DSCAML1: variants seen among roughly 807,000 people sequenced by gnomAD.
DSCAML1 encodes the protein cell adhesion molecule DSCAML1.
A neutral mutation model predicts 200.5 loss-of-function variants in DSCAML1; 38 were observed. That is an observed-to-expected ratio of 0.19 (90% CI 0.15 to 0.25). The LOEUF is 0.25. Among genes scored for constraint, DSCAML1 ranks in the 10% least tolerant of loss-of-function variants. The pLI is 1.00. For missense variants in DSCAML1, 2,223 were observed against 2,858.8 expected, an observed-to-expected ratio of 0.78 and a Z score of 5.07; for synonymous variants, 1,215 against 1,165.0, an observed-to-expected ratio of 1.04 and a Z score of -0.87.
intron 1 of DSCAML1, among the ~76,000 whole-genome samples, chr11:117,786,219 G>C (rs904901329): frequency 2.0e-5 from 3 of 152,186 alleles, no homozygotes; most frequent in African/African-American, 4.8e-5. Flanking sequence ...CTGGTCAAAG[G>C]GGGAAATGGA....
At chr11:117,525,339 C>T (rs567699633) in intron 4 of DSCAML1, among the ~76,000 whole-genome samples, 5 of 152,048 alleles carry the variant, frequency 3.3e-5, no homozygotes, top group South Asian at 2.1e-4. Context: ...TGATGGAGTT[C>T]GGGACTAGAG....
intron 1 of DSCAML1, among the ~76,000 whole-genome samples, chr11:117,815,070 C>T (rs2055793331): frequency 6.6e-6 from 1 of 152,218 alleles, no homozygotes; most frequent in Non-Finnish European, 1.5e-5. Flanking sequence ...TTTGCTTTGT[C>T]AAGTGTGTCT....
At chr11:117,788,229 A>G (rs964876300) in intron 1 of DSCAML1, among the ~76,000 whole-genome samples, 1 of 151,966 alleles carries the variant, frequency 6.6e-6, no homozygotes, top group Non-Finnish European at 1.5e-5. Flanking sequence ...TGTCCACCCA[A>G]TCTGGCACAC....
chr11:117,567,089 T>C (rs967453062), intron 3 of DSCAML1, among the ~76,000 whole-genome samples: 6 of 152,230 alleles, frequency 3.9e-5, no homozygotes, highest in African/African-American at 1.4e-4. Context: ...TTTGGGTATA[T>C]ACCCAGTAAT....
intron 3 of DSCAML1, among the ~76,000 whole-genome samples, chr11:117,687,457 G>C (rs909865622): frequency 3.4e-5 from 4 of 116,700 alleles, no homozygotes; most frequent in African/African-American, 1.4e-4. Flanking sequence ...TTAGAGATGG[G>C]GTCTCGCTAT....
At chr11:117,673,579 T>C (rs752446999) in intron 3 of DSCAML1, among the ~76,000 whole-genome samples, 1 of 152,204 alleles carries the variant, frequency 6.6e-6, no homozygotes, top group Non-Finnish European at 1.5e-5. Context: ...ATCAGAGAGA[T>C]GAAGGTTTAC....
chr11:117,617,632 A>C (rs2051835268), intron 3 of DSCAML1, among the ~76,000 whole-genome samples: 1 of 151,910 alleles, frequency 6.6e-6, no homozygotes, highest in South Asian at 2.1e-4. Context: ...ATTTAGGAAA[A>C]AAACAACAAC....
intron 4 of DSCAML1, among the ~76,000 whole-genome samples, chr11:117,531,495 G>A (rs2050075726): frequency 6.6e-6 from 1 of 152,072 alleles, no homozygotes; most frequent in Non-Finnish European, 1.5e-5. Context: ...CCTCTATTCT[G>A]TTTAGAAATA....
chr11:117,757,884 G>A (rs2054724059), intron 3 of DSCAML1, among the ~76,000 whole-genome samples: 1 of 152,172 alleles, frequency 6.6e-6, no homozygotes. Flanking sequence ...CAGCTACTCA[G>A]GAGGCTGAGT....
chr11:117,579,222 T>G (rs1343842314), intron 3 of DSCAML1, among the ~76,000 whole-genome samples: 2 of 152,110 alleles, frequency 1.3e-5, no homozygotes, highest in African/African-American at 4.8e-5. Context: ...ACAGCTCAAG[T>G]CCTCCTTTGA....
At chr11:117,693,072 C>T (rs147429650) in intron 3 of DSCAML1, among the ~76,000 whole-genome samples, 1 of 152,280 alleles carries the variant, frequency 6.6e-6, no homozygotes, top group East Asian at 1.9e-4. Context: ...GCACAGAGTA[C>T]GGGAAGCATT....
intron 3 of DSCAML1, among the ~76,000 whole-genome samples, chr11:117,537,247 G>A (rs2050188071): frequency 1.3e-5 from 2 of 152,238 alleles, no homozygotes; most frequent in South Asian, 2.1e-4. Flanking sequence ...AATCTATCAC[G>A]TCTTTCTGGA....
intron 3 of DSCAML1, among the ~76,000 whole-genome samples, chr11:117,566,799 A>G (rs1020299514): frequency 5.4e-5 from 8 of 149,380 alleles, no homozygotes; most frequent in Admixed American, 2.0e-4. Context: ...TCATTGTTCA[A>G]TTCCCACCTA....
At chr11:117,795,923 C>T (rs532458426) in intron 1 of DSCAML1, among the ~76,000 whole-genome samples, 332 of 152,314 alleles carry the variant, frequency 2.2e-3, no homozygotes, top group Middle Eastern at 0.014. Context: ...GAGAAGCCGC[C>T]CCGGGGCGAG....
In DSCAML1 at chr11:117,444,010, C is replaced by T. The variant is rs764868783; in HGVS notation, c.3738G>A (p.Glu1246=). 3 of 1,613,704 alleles carry T rather than the reference C, an allele frequency of 1.9e-6. No homozygotes were observed. Among genetic ancestry groups the T allele is most frequent in the Middle Eastern group, 1.7e-4 (1 of 6,036 alleles). The part of the protein sequence containing the change: ...PAPSEYETSP[E]QLFYRIAHLN... Reference sequence around the variant, plus strand: ...GGTGGGCGATCCGGTAGAAGAGCTGCTCTGGACTCGTCTCGTACTCGCTGG... The same window carrying T: ...GGTGGGCGATCCGGTAGAAGAGCTGTTCTGGACTCGTCTCGTACTCGCTGG... Residue 1246 remains glutamate (E), a synonymous_variant, in exon 21 of 33, where the codon GAG becomes GAA. Coordinates refer to ENST00000651296, the MANE Select transcript of DSCAML1 (RefSeq NM_020693.4).
chr11:117,583,248 A>G (rs2051077343), intron 3 of DSCAML1, among the ~76,000 whole-genome samples: 1 of 151,924 alleles, frequency 6.6e-6, no homozygotes, highest in Non-Finnish European at 1.5e-5. Context: ...ACTTGCACTG[A>G]AGACCCCTTG....
chr11:117,704,778 G>T (rs562963158), intron 3 of DSCAML1, among the ~76,000 whole-genome samples: 4 of 152,142 alleles, frequency 2.6e-5, no homozygotes, highest in Non-Finnish European at 5.9e-5. Context: ...TGCGAGTCTC[G>T]GTATATTTCC....
intron 3 of DSCAML1, among the ~76,000 whole-genome samples, chr11:117,680,716 C>T (rs927107124): frequency 1.3e-5 from 2 of 152,174 alleles, no homozygotes; most frequent in Non-Finnish European, 2.9e-5. Context: ...GGCCAGGCTT[C>T]CCAAATCCTT....
intron 2 of DSCAML1, among the ~76,000 whole-genome samples, chr11:117,778,886 C>T (rs978564697): frequency 4.6e-5 from 7 of 152,206 alleles, no homozygotes; most frequent in Non-Finnish European, 8.8e-5. Flanking sequence ...AAAAAGAGTC[C>T]ATGGGGAGCC....
Sources: gnomAD v4.1 joint callset for allele counts (sites outside exome capture counted in the v4.1 genomes callset) on GRCh38, gnomAD v4.1.1 for gene constraint, MANE v1.5 for transcripts, NCBI Gene and HGNC (gene_info 2026-07-23, HGNC 2026-07-21) for gene names.